Variants in SFMBT2 observed in about 807,000 individuals in gnomAD.
The protein encoded by SFMBT2 is Scm like with four mbt domains 2, also known as scm-like with four MBT domains protein 2.
A neutral mutation model predicts 110.1 loss-of-function variants in SFMBT2; 38 were observed. The observed-to-expected ratio is 0.35, with a 90% CI of 0.27 to 0.45. The LOEUF (loss-of-function observed/expected upper bound fraction) is 0.45. Ranked by LOEUF, SFMBT2 falls within the 20% of genes least tolerant of loss-of-function variation. The pLI is 1.00. For missense variants in SFMBT2, 1,011 were observed against 1,094.9 expected (o/e 0.92, Z 1.08); for synonymous variants, 425 against 425.4 (o/e 1.00, Z 0.01).
chr10:7,311,257 T>C (rs1842850252), intron 4 of SFMBT2, among the ~76,000 whole-genome samples: 1 of 152,010 alleles, frequency 6.6e-6, no homozygotes, highest in Non-Finnish European at 1.5e-5. Context: ...AAGAACATAA[T>C]TGCCCTCTTT....
At chr10:7,302,030 C>T (rs149323816) in intron 4 of SFMBT2, among the ~76,000 whole-genome samples, 1 of 152,178 alleles carries the variant, frequency 6.6e-6, no homozygotes, top group Admixed American at 6.5e-5. Context: ...GTCCACAATT[C>T]CAACCAGATA....
chr10:7,240,933 T>C (rs1840409920), intron 9 of SFMBT2, among the ~76,000 whole-genome samples: 1 of 152,202 alleles, frequency 6.6e-6, no homozygotes, highest in Non-Finnish European at 1.5e-5. Context: ...TCTTGAATGA[T>C]ATGGTTTGGC....
chr10:7,268,247 A>G lies in SFMBT2; in HGVS notation c.870+8645T>C, dbSNP rs576506069. On this transcript the variant is annotated intron_variant, in intron 7 of 20. Transcript: ENST00000397167. ...TTTAGTGGTCTCTTAGTATACACTC[A>G]GTGAACTGGAAAACTGAGGCAACAA... 2.0e-5 allele frequency among the ~76,000 whole-genome samples: 3 copies of G among 152,350 alleles called. No homozygotes were observed. The South Asian group carries it at 6.2e-4, about 32-fold the overall frequency.
At chr10:7,229,644 T>C (rs1310218653) in intron 9 of SFMBT2, among the ~76,000 whole-genome samples, 2 of 150,818 alleles carry the variant, frequency 1.3e-5, no homozygotes, top group African/African-American at 4.9e-5. Flanking sequence ...AAGATACTGG[T>C]TGCCTCCACT....
intron 15 of SFMBT2, among the ~76,000 whole-genome samples, chr10:7,194,247 T>G (rs1367717170): frequency 2.6e-5 from 4 of 152,024 alleles, no homozygotes; most frequent in Non-Finnish European, 5.9e-5. Flanking sequence ...CTGCACCCCC[T>G]CGAATTGAGG....
chr10:7,174,968 G>T (rs1838006218), intron 17 of SFMBT2, among the ~76,000 whole-genome samples: 3 of 152,214 alleles, frequency 2.0e-5, no homozygotes, highest in Non-Finnish European at 4.4e-5. Flanking sequence ...TGTTGTGTGT[G>T]TGTAGAAACA....
chr10:7,249,086 A>C, intron 7 of SFMBT2: 1 of 981,062 alleles, frequency 1.0e-6, no homozygotes, highest in Non-Finnish European at 1.2e-6. Context: ...TCCCGTGTCT[A>C]AGAGCACACA....
chr10:7,287,434 C>T (rs1842128703), intron 4 of SFMBT2: 1 of 244,068 alleles, frequency 4.1e-6, no homozygotes, highest in Non-Finnish European at 6.6e-6. Context: ...TCTACAAGTG[C>T]TTAGAACCCA....
intron 4 of SFMBT2, among the ~76,000 whole-genome samples, chr10:7,310,691 A>G (rs1455753523): frequency 6.6e-6 from 1 of 152,174 alleles, no homozygotes; most frequent in Non-Finnish European, 1.5e-5. Flanking sequence ...GCATTTTCTG[A>G]CTACATGCTA....
intron 5 of SFMBT2, 192 bp from the exon 6 acceptor site, chr10:7,284,342 T>G (rs1016892979): frequency 8.9e-7 from 1 of 1,120,186 alleles, no homozygotes; most frequent in African/African-American, 1.6e-5. Context: ...CACACATCCA[T>G]GTACCCCATT....
chr10:7,177,082 C>G (rs1838087359), intron 16 of SFMBT2, among the ~76,000 whole-genome samples: 1 of 152,274 alleles, frequency 6.6e-6, no homozygotes, highest in Admixed American at 6.5e-5. Flanking sequence ...CCAGTCCCCC[C>G]AGCAACCCCC....
At chr10:7,387,946 CA>C (rs377383266) in intron 1 of SFMBT2, among the ~76,000 whole-genome samples, 4,575 of 107,192 alleles carry the variant, frequency 0.043, 121 homozygotes, top group Admixed American at 0.093. Context: ...AACTCTGTTT[CA>C]AAAAAAAAAA....
intron 1 of SFMBT2, among the ~76,000 whole-genome samples, chr10:7,385,863 G>A (rs1468555440): frequency 1.3e-5 from 2 of 152,164 alleles, no homozygotes; most frequent in African/African-American, 2.4e-5. Context: ...AGCCAGGCGT[G>A]GTGGTGGGCA....
chr10:7,240,894 C>T (rs1248842390), intron 9 of SFMBT2, among the ~76,000 whole-genome samples: 1 of 152,102 alleles, frequency 6.6e-6, no homozygotes, highest in East Asian at 1.9e-4. Flanking sequence ...TTCAAGAAAA[C>T]ATTCCTGAAC....
chr10:7,381,078 T>C (rs548406411), intron 2 of SFMBT2, among the ~76,000 whole-genome samples: 12 of 132,584 alleles, frequency 9.1e-5, no homozygotes, highest in Admixed American at 2.8e-4. Context: ...CACACATACA[T>C]ACATACATAC....
intron 14 of SFMBT2, 142 bp from the exon 15 acceptor site, chr10:7,197,829 G>A (rs560198709): frequency 7.7e-5 from 98 of 1,266,774 alleles, no homozygotes; most frequent in South Asian, 8.2e-5. Context: ...GGAGTCAGGC[G>A]TAATAAAAGC....
intron 17 of SFMBT2, among the ~76,000 whole-genome samples, chr10:7,173,176 T>A (rs1837943899): frequency 6.6e-6 from 1 of 152,184 alleles, no homozygotes; most frequent in African/African-American, 2.4e-5. Flanking sequence ...CTGTGGTATG[T>A]TGTTGTAAGC....
In SFMBT2 at chr10:7,172,556, G is replaced by T; in HGVS notation, c.2090C>A (p.Ser697Tyr). ...CCTCCGTTTCTTCTGCACGAAAATGGATTTCCGTCGCTTCCTCCGCCTGGC... is the reference window on the plus strand; with the variant it reads ...CCTCCGTTTCTTCTGCACGAAAATGTATTTCCGTCGCTTCCTCCGCCTGGC... The part of the protein sequence containing the change: ...KPARRRKRRK[S>Y]IFVQKKRRSS... The change falls in exon 18 of 21, where the codon TCC becomes TAC. Residue 697 changes from serine to tyrosine, a missense_variant. Ser to Tyr is a moderately radical substitution (Grantham distance 144). Transcript: ENST00000397167. The surrounding 1 kb of genome is among the most constrained non-coding windows in gnomAD (Gnocchi z 4.6). 1 of 1,614,232 alleles carries T rather than the reference G, an allele frequency of 6.2e-7. No homozygotes were observed. Among genetic ancestry groups the T allele is most frequent in the Non-Finnish European group, 8.5e-7 (1 of 1,180,038 alleles).
chr10:7,399,264 G>C (rs573458398), intron 1 of SFMBT2, among the ~76,000 whole-genome samples: 91 of 151,834 alleles, frequency 6.0e-4, no homozygotes, highest in African/African-American at 2.0e-3. Flanking sequence ...ACGGAGTCTC[G>C]CTCTGTCACC....
Sources: allele counts gnomAD v4.1 joint callset (sites outside exome capture counted in the v4.1 genomes callset), GRCh38; gene constraint gnomAD v4.1.1; non-coding constraint Gnocchi (gnomAD v3.1); transcripts MANE v1.5; gene names NCBI Gene and HGNC (gene_info 2026-07-23, HGNC 2026-07-21).